NRXN1: variants seen among roughly 807,000 people sequenced by gnomAD.
NRXN1 encodes the protein neurexin-1.
NRXN1 carries 39 observed loss-of-function variants against 150.9 expected under a neutral mutation model. That is an observed-to-expected ratio of 0.26 (90% confidence interval 0.20 to 0.34). The LOEUF (loss-of-function observed/expected upper bound fraction) is 0.34, where lower values mean the gene tolerates loss of function less well. Among genes scored for constraint, NRXN1 ranks in the 10% least tolerant of loss-of-function variants. The pLI, the probability that NRXN1 is intolerant of heterozygous loss-of-function variation, is 1.00. For synonymous variants in NRXN1, 924 were observed against 757.0 expected (o/e 1.22, Z -3.62); for missense variants, 1,815 against 1,949.9 (o/e 0.93, Z 1.30).
intron 3 of NRXN1, among the ~76,000 whole-genome samples, chr2:50,925,574 T>TA (rs1371170457): frequency 5.9e-5 from 9 of 151,914 alleles, no homozygotes; most frequent in African/African-American, 2.2e-4. Flanking sequence ...GTCATTTTGA[T>TA]AAAAAATGGA....
At chr2:50,524,081 G>A (rs2092874899) in intron 12 of NRXN1, among the ~76,000 whole-genome samples, 1 of 152,122 alleles carries the variant, frequency 6.6e-6, no homozygotes, top group South Asian at 2.1e-4. Flanking sequence ...CAGGTAGGTG[G>A]GAGAACAGAC....
chr2:50,621,017 T>A, intron 7 of NRXN1: 1 of 514,098 alleles, frequency 1.9e-6, no homozygotes, highest in Non-Finnish European at 3.5e-6. Context: ...TACAGGTGAG[T>A]TGGAAAACAG....
chr2:50,211,338 T>G (rs1426756393), intron 18 of NRXN1, among the ~76,000 whole-genome samples: 1 of 151,664 alleles, frequency 6.6e-6, no homozygotes, highest in Non-Finnish European at 1.5e-5. Flanking sequence ...AGAGTATCTG[T>G]ATCCTAAATT....
chr2:50,953,666 G>T (rs551364918), intron 2 of NRXN1, among the ~76,000 whole-genome samples: 2 of 151,508 alleles, frequency 1.3e-5, no homozygotes, highest in African/African-American at 2.4e-5. Flanking sequence ...AGGTTCAAGC[G>T]ATTCTCCTGC....
rs577524004 is a variant in NRXN1 at position 49,920,806 on chromosome 2, T to C, written c.*1138A>G. 1 of 152,532 alleles carries C rather than the reference T, an allele frequency of 6.6e-6. No homozygotes were observed. The highest frequency in any genetic ancestry group is 6.5e-5 in the Admixed American group (1 of 15,272). The allele number at this position is 152,532 out of a possible 1,614,324, so 9.4% of individuals were successfully genotyped here. A position where few individuals can be genotyped will look rare whatever the true frequency, so the allele number is the denominator to read the frequency against. On this transcript the variant is annotated 3_prime_UTR_variant, in exon 23 of 23. Coordinates refer to ENST00000401669, the MANE Select transcript of NRXN1 (RefSeq NM_001330078.2). Reference sequence around the variant, plus strand: ...GGGAGAAAAGATTATAAGATACATATGTATATATGTGACTTTCTAATTCAC... The same window carrying C: ...GGGAGAAAAGATTATAAGATACATACGTATATATGTGACTTTCTAATTCAC...
intron 13 of NRXN1, among the ~76,000 whole-genome samples, chr2:50,503,949 C>T (rs943556883): frequency 6.6e-5 from 10 of 151,946 alleles, no homozygotes; most frequent in Non-Finnish European, 1.0e-4. Flanking sequence ...ACATCAACAA[C>T]GCGGTATTTC....
chr2:50,364,865 T>G (rs181094959), intron 17 of NRXN1, among the ~76,000 whole-genome samples: 35 of 152,114 alleles, frequency 2.3e-4, no homozygotes, highest in Admixed American at 1.4e-3. Context: ...TTTTTCCAAG[T>G]AATACTGATT....
intron 19 of NRXN1, among the ~76,000 whole-genome samples, chr2:50,090,769 G>T (rs746333323): frequency 9.9e-5 from 15 of 152,054 alleles, no homozygotes; most frequent in Admixed American, 3.9e-4. Context: ...ATGGTTATAT[G>T]AAAGTGAAAA....
intron 2 of NRXN1, among the ~76,000 whole-genome samples, chr2:50,940,473 CAAA>C (rs748999405): frequency 4.0e-5 from 3 of 75,088 alleles, no homozygotes; most frequent in Admixed American, 1.6e-4. Context: ...GACTCCATCT[CAAA>C]AAAAAAAAAA....
chr2:50,624,612 T>C (rs183448670), intron 5 of NRXN1, among the ~76,000 whole-genome samples: 269 of 151,542 alleles, frequency 1.8e-3, no homozygotes, highest in African/African-American at 6.4e-3. Flanking sequence ...ACAGAGCATG[T>C]GCATTTTTTA....
chr2:50,928,922 G>C (rs1474537180), intron 2 of NRXN1, among the ~76,000 whole-genome samples: 1 of 151,972 alleles, frequency 6.6e-6, no homozygotes, highest in Non-Finnish European at 1.5e-5. Context: ...TCACACTCTT[G>C]CTTTCTTTTC....
chr2:50,944,812 CCT>C (rs570878796), intron 2 of NRXN1, among the ~76,000 whole-genome samples: 69 of 152,206 alleles, frequency 4.5e-4, no homozygotes, highest in Admixed American at 2.6e-3. Flanking sequence ...AATAATTAAC[CCT>C]GTGCTTGAAG....
chr2:50,310,854 T>C (rs1453733497), intron 17 of NRXN1, among the ~76,000 whole-genome samples: 1 of 152,138 alleles, frequency 6.6e-6, no homozygotes, highest in African/African-American at 2.4e-5. Context: ...CATCTTACCT[T>C]ATAAGACTGC....
At chr2:50,795,278 G>A (rs918209489) in intron 5 of NRXN1, among the ~76,000 whole-genome samples, 6 of 152,054 alleles carry the variant, frequency 3.9e-5, no homozygotes, top group African/African-American at 7.2e-5. Context: ...TGATGCTGAC[G>A]CTTGACCCAT....
chr2:49,994,802 A>C (rs529299717), intron 21 of NRXN1, among the ~76,000 whole-genome samples: 62 of 152,330 alleles, frequency 4.1e-4, no homozygotes, highest in Non-Finnish European at 8.2e-4. Context: ...GCTTTTTGTA[A>C]GGCAAAAGGT....
intron 5 of NRXN1, chr2:50,829,666 C>T (rs1671109238): frequency 1.2e-6 from 2 of 1,611,600 alleles, no homozygotes; most frequent in African/African-American, 1.3e-5. Flanking sequence ...GGCATCATAA[C>T]AGGCTGACAC....
intron 17 of NRXN1, among the ~76,000 whole-genome samples, chr2:50,360,523 T>C (rs182197211): frequency 9.5e-4 from 144 of 152,252 alleles, no homozygotes; most frequent in African/African-American, 3.4e-3. Flanking sequence ...AGAGGGGCAT[T>C]ACGTAATGGT....
In NRXN1 at chr2:50,346,543, G is replaced by T; in HGVS notation, c.3365-109573C>A. 1.2e-6 allele frequency: 1 copy of T among 825,390 alleles called. No homozygotes were observed. The highest frequency in any genetic ancestry group is 2.0e-6 in the Non-Finnish European group (1 of 502,588). The allele number at this position is 825,390 out of a possible 1,614,324, so 51.1% of individuals were successfully genotyped here. ...ATCCCCTTTCTATTGTCTTCAAAGA[G>T]ATAAGTGGCTCGCACCAAGCACACC... is the stretch of plus-strand genomic sequence containing the variant. On this transcript the variant is annotated intron_variant, in intron 17 of 22. Transcript: ENST00000401669. This position sits in a 1 kb window ranked among gnomAD's most constrained non-coding sequence, Gnocchi z 5.0.
chr2:50,525,977 T>C (rs1168021867), intron 12 of NRXN1, among the ~76,000 whole-genome samples: 1 of 152,168 alleles, frequency 6.6e-6, no homozygotes, highest in Non-Finnish European at 1.5e-5. Flanking sequence ...AAAAGAAACA[T>C]TCATTCAGGT....
Sources: gnomAD v4.1 joint callset for allele counts (sites outside exome capture counted in the v4.1 genomes callset) on GRCh38, gnomAD v4.1.1 for gene constraint, Gnocchi (gnomAD v3.1) non-coding constraint, MANE v1.5 for transcripts, NCBI Gene and HGNC (gene_info 2026-07-23, HGNC 2026-07-21) for gene names.